Variants in FAM219A observed in about 807,000 individuals in gnomAD.
FAM219A encodes the protein protein FAM219A.
In FAM219A, 7 loss-of-function variants were observed where a neutral mutation model predicts 23.4. The observed-to-expected ratio is 0.30, with a 90% confidence interval of 0.17 to 0.56. FAM219A has a LOEUF of 0.56. Ranked by LOEUF, FAM219A falls within the 20% of genes least tolerant of loss-of-function variation. FAM219A has a pLI of 0.92. For synonymous variants in FAM219A, 93 were observed against 99.0 expected (o/e 0.94, Z 0.36); for missense variants, 166 against 246.9 (o/e 0.67, Z 2.20).
At chr9:34,443,713 G>A (rs368326737) in intron 1 of FAM219A, among the ~76,000 whole-genome samples, 41 of 152,236 alleles carry the variant, frequency 2.7e-4, no homozygotes, top group African/African-American at 9.6e-4. Context: ...TACCACTGCT[G>A]TGCACAGCTC....
intron 1 of FAM219A, among the ~76,000 whole-genome samples, chr9:34,433,634 T>C (rs1242900294): frequency 6.6e-6 from 1 of 152,226 alleles, no homozygotes; most frequent in East Asian, 1.9e-4. Context: ...ATGACCCCAG[T>C]TTGCCAATCT....
intron 1 of FAM219A, among the ~76,000 whole-genome samples, chr9:34,414,230 T>C (rs1431619992): frequency 6.6e-6 from 1 of 152,164 alleles, no homozygotes; most frequent in Non-Finnish European, 1.5e-5. Context: ...CACCTCAACA[T>C]ATGAGTTATC....
intron 3 of FAM219A, 52 bp downstream of exon 3, chr9:34,402,653 C>A: frequency 6.3e-7 from 1 of 1,595,752 alleles, no homozygotes. Context: ...TCAGGACCAG[C>A]AGAAATAGGT....
In FAM219A at chr9:34,416,273, G is replaced by GGAAGGAA. The variant is rs1822021123; in HGVS notation, c.61-10310_61-10309insTTCCTTC. ...AAAGAAAGAAAGGGGGAGGGAGGGA[G>GGAAGGAA]GGAAGGAAGGAAGGAAGGAAGGAAG... On this transcript the variant is annotated intron_variant, in intron 1 of 5. Transcript: ENST00000651358. Among the ~76,000 whole-genome samples, 21 of 114,188 alleles carry GGAAGGAA rather than the reference G, an allele frequency of 1.8e-4. No homozygotes were observed. The East Asian group carries it at 2.5e-3, about 13-fold the overall frequency. The allele number at this position is 114,188 out of a possible 152,430, so 74.9% of individuals were successfully genotyped here.
intron 2 of FAM219A, among the ~76,000 whole-genome samples, chr9:34,404,752 T>C (rs1272819860): frequency 6.6e-6 from 1 of 151,978 alleles, no homozygotes; most frequent in Admixed American, 6.5e-5. Context: ...ACACCCCTGA[T>C]AAATAAAATT....
chr9:34,429,160 G>A (rs1822598748), intron 1 of FAM219A, among the ~76,000 whole-genome samples: 1 of 152,216 alleles, frequency 6.6e-6, no homozygotes, highest in African/African-American at 2.4e-5. Context: ...CACTAGAAGA[G>A]GGAGCCTGCA....
intron 1 of FAM219A, among the ~76,000 whole-genome samples, chr9:34,420,202 G>T (rs532621971): frequency 1.3e-5 from 2 of 152,326 alleles, no homozygotes; most frequent in Admixed American, 6.5e-5. Context: ...TTGCCAAGAA[G>T]AATTTAAAAG....
Position 34,399,372 on chromosome 9 carries a change from T to C in FAM219A, c.*1592A>G, listed in dbSNP as rs1174144975. ...CCCTCTTGATTTTCAGTCTCAGCTT[T>C]CCAGTCCCCTCCCCCAAACCAGCAA... On this transcript the variant is annotated 3_prime_UTR_variant, in exon 6 of 6. Coordinates refer to ENST00000651358, the MANE Select transcript of FAM219A (RefSeq NM_001184940.2). The C allele has an allele frequency of 6.6e-6, 1 of 152,322 alleles. No individual in the cohort carries two copies. The highest frequency in any genetic ancestry group is 1.5e-5 in the Non-Finnish European group (1 of 68,202). 9.4% of individuals were successfully genotyped at this position (152,322 alleles called of 1,614,324 possible).
At chr9:34,415,372 C>T (rs967761757) in intron 1 of FAM219A, among the ~76,000 whole-genome samples, 10 of 152,154 alleles carry the variant, frequency 6.6e-5, no homozygotes, top group Non-Finnish European at 1.3e-4. Flanking sequence ...AAGTAAGCAC[C>T]GCCAAGCCTT....
chr9:34,456,192 CAAAAAA>C (rs908458506), intron 1 of FAM219A, among the ~76,000 whole-genome samples: 1 of 149,008 alleles, frequency 6.7e-6, no homozygotes, highest in Non-Finnish European at 1.5e-5. Flanking sequence ...GACCCTGTCT[CAAAAAA>C]AAAGAAAAAA....
intron 1 of FAM219A, among the ~76,000 whole-genome samples, chr9:34,431,516 C>T (rs1822703068): frequency 6.6e-6 from 1 of 152,164 alleles, no homozygotes; most frequent in Admixed American, 6.5e-5. Flanking sequence ...ATAGATACCA[C>T]AGAAATCTGG....
In FAM219A at chr9:34,457,683, TC is replaced by T. The variant is rs1823799023; in HGVS notation, c.60+520del. 2.0e-5 allele frequency among the ~76,000 whole-genome samples: 3 copies of T among 151,194 alleles called. No individual in the cohort carries two copies. Among genetic ancestry groups the T allele is most frequent in the Admixed American group, 2.0e-4 (3 of 15,192 alleles). ...TTCCCAGGTTCTGCACCAACCACCT[TC>T]CCCCACTGGGTCCCTCGCCCCGGCC... On this transcript the variant is annotated intron_variant, in intron 1 of 5. Coordinates refer to ENST00000651358, the MANE Select transcript of FAM219A (RefSeq NM_001184940.2). This position sits in a 1 kb window ranked among gnomAD's most constrained non-coding sequence, Gnocchi z 5.1.
chr9:34,407,033 C>T (rs145776879), intron 1 of FAM219A, among the ~76,000 whole-genome samples: 9,374 of 152,090 alleles, frequency 0.062, 388 homozygotes, highest in South Asian at 0.095. Context: ...GAACTCCTGA[C>T]CTCATGATCC....
At chr9:34,429,063 C>G (rs555898021) in intron 1 of FAM219A, among the ~76,000 whole-genome samples, 1 of 152,340 alleles carries the variant, frequency 6.6e-6, no homozygotes, top group South Asian at 2.1e-4. Flanking sequence ...CCTTCTAGCC[C>G]AAACTCTGCC....
intron 1 of FAM219A, among the ~76,000 whole-genome samples, chr9:34,430,202 A>C (rs1822639060): frequency 6.6e-6 from 1 of 152,142 alleles, no homozygotes; most frequent in African/African-American, 2.4e-5. Flanking sequence ...CCCCTTTCAC[A>C]GCGAAAGACA....
intron 1 of FAM219A, among the ~76,000 whole-genome samples, chr9:34,408,750 T>C (rs1357474471): frequency 6.6e-6 from 1 of 152,202 alleles, no homozygotes; most frequent in Non-Finnish European, 1.5e-5. Context: ...CTTCTAAATC[T>C]GTGGCGTTTC....
intron 1 of FAM219A, among the ~76,000 whole-genome samples, chr9:34,427,720 T>C (rs1822538092): frequency 6.6e-6 from 1 of 152,214 alleles, no homozygotes; most frequent in Admixed American, 6.5e-5. Flanking sequence ...TATCAGACCA[T>C]GCTGGAGTCT....
chr9:34,434,996 T>C (rs570841897), intron 1 of FAM219A, among the ~76,000 whole-genome samples: 2 of 152,056 alleles, frequency 1.3e-5, no homozygotes, highest in Non-Finnish European at 2.9e-5. Context: ...ACTTTTTGTA[T>C]TTTTGGTGGA....
chr9:34,400,891 G>GAAGGGGTC lies in FAM219A; in HGVS notation c.*65_*72dup. The GAAGGGGTC allele has an allele frequency of 9.2e-6, 13 of 1,416,182 alleles. No homozygotes were observed. Among genetic ancestry groups the GAAGGGGTC allele is most frequent in the Non-Finnish European group, 1.1e-5 (12 of 1,079,294 alleles). 87.7% of individuals were successfully genotyped at this position (1,416,182 alleles called of 1,614,324 possible). On this transcript the variant is annotated 3_prime_UTR_variant, in exon 6 of 6. Coordinates refer to ENST00000651358, the MANE Select transcript of FAM219A (RefSeq NM_001184940.2). ...GGCCGGGGGCAGGCAGACGAGCTGGGAAGGGGTCGGCCTCTGCCCGTCCTA... is the reference window on the plus strand; with the variant it reads ...GGCCGGGGGCAGGCAGACGAGCTGGGAAGGGGTCAAGGGGTCGGCCTCTGCCCGTCCTA...
Sources: gnomAD v4.1 joint callset for allele counts (sites outside exome capture counted in the v4.1 genomes callset) on GRCh38, gnomAD v4.1.1 for gene constraint, Gnocchi (gnomAD v3.1) non-coding constraint, MANE v1.5 for transcripts, NCBI Gene and HGNC (gene_info 2026-07-23, HGNC 2026-07-21) for gene names.